Variants in NDUFA8 observed in about 807,000 individuals in gnomAD.
NDUFA8 encodes NADH:ubiquinone oxidoreductase subunit A8, also known as NADH dehydrogenase [ubiquinone] 1 alpha subcomplex subunit 8.
Under a neutral mutation model 20.9 loss-of-function variants are expected in NDUFA8, and 16 were observed. The ratio of observed to expected loss-of-function variants is 0.77; its 90% confidence interval spans 0.52 to 1.16. NDUFA8 has a LOEUF of 1.16. Among genes scored for constraint, NDUFA8 ranks in the 50% most tolerant of loss-of-function variants. The pLI is 0.00. For synonymous variants in NDUFA8, 70 were observed against 76.1 expected (o/e 0.92, Z 0.41); for missense variants, 202 against 216.4 (o/e 0.93, Z 0.42).
rs1829016589 is a variant in NDUFA8 at position 122,152,369 on chromosome 9, G to A, written c.91C>T (p.His31Tyr). Residue 31 changes from histidine to tyrosine, a missense_variant, in exon 2 of 4, where the codon CAC (histidine) becomes TAC (tyrosine). His to Tyr is a moderately conservative substitution (Grantham distance 83). Transcript: ENST00000373768. ...SSAVLKAAAHHYGAQCDKPNK... is the reference protein window; with the variant it reads ...SSAVLKAAAHYYGAQCDKPNK... ...GGCTTATCACATTGAGCTCCATAGT[G>A]ATGGGCCGCAGCTTTAAGCACAGCA... 1.9e-6 allele frequency: 3 copies of A among 1,614,004 alleles called. No individual in the cohort carries two copies. Among genetic ancestry groups the A allele is most frequent in the African/African-American group, 1.3e-5 (1 of 74,888 alleles).
chr9:122,157,776 T>C (rs1057054815), intron 1 of NDUFA8, among the ~76,000 whole-genome samples: 1 of 152,170 alleles, frequency 6.6e-6, no homozygotes, highest in African/African-American at 2.4e-5. Flanking sequence ...TCCCTGAACA[T>C]AGCTAATAAT....
At chr9:122,155,623 A>G (rs552845745) in intron 1 of NDUFA8, among the ~76,000 whole-genome samples, 1 of 152,364 alleles carries the variant, frequency 6.6e-6, no homozygotes, top group Non-Finnish European at 1.5e-5. Flanking sequence ...TGAAAATAAA[A>G]GAATTTATTT....
chr9:122,133,033 G>T, the NDUFA8 span: 1 of 456,042 alleles, frequency 2.2e-6, no homozygotes. Flanking sequence ...CATGCCCATG[G>T]TTCCATCTAA....
downstream of NDUFA8, among the ~76,000 whole-genome samples, chr9:122,140,076 C>A (rs906046394): frequency 2.0e-5 from 3 of 152,170 alleles, no homozygotes; most frequent in African/African-American, 7.2e-5. Flanking sequence ...CAATGTGTAT[C>A]CAATGCTGAG....
chr9:122,139,807 C>T (rs970270101), downstream of NDUFA8, among the ~76,000 whole-genome samples: 48 of 152,316 alleles, frequency 3.2e-4, no homozygotes, highest in African/African-American at 1.1e-3. Flanking sequence ...GATTGTCATG[C>T]CTCAACCTCC....
chr9:122,153,089 A>C (rs182082971), intron 1 of NDUFA8, among the ~76,000 whole-genome samples: 2 of 152,110 alleles, frequency 1.3e-5, no homozygotes, highest in East Asian at 3.9e-4. Context: ...ACATGGTGAA[A>C]GCTTGTCTTT....
rs1226138881 is a variant in NDUFA8, at chr9:122,152,226, T to C, written c.215+19A>G. The C allele has an allele frequency of 6.2e-7, 1 of 1,614,206 alleles. No individual in the cohort carries two copies. The highest frequency in any genetic ancestry group is 8.5e-7 in the Non-Finnish European group (1 of 1,180,006). The stretch of plus-strand genomic sequence containing the variant: ...CTTTATGCTTCAACCAAGTAGGCAC[T>C]GATACCAAAGATTTTTACCTAAAGA... On this transcript the variant is annotated intron_variant, in intron 2 of 3. Transcript: ENST00000373768.
downstream of NDUFA8, chr9:122,143,945 G>T: frequency 1.5e-6 from 1 of 681,798 alleles, no homozygotes; most frequent in Non-Finnish European, 2.1e-6. Context: ...AGCCACATGA[G>T]CGAGTGCCTA....
At chr9:122,142,864 G>A (rs1828842406), downstream of NDUFA8, among the ~76,000 whole-genome samples, 2 of 152,094 alleles carry the variant, frequency 1.3e-5, no homozygotes, top group South Asian at 4.1e-4. Context: ...CACCAGAGGG[G>A]AATTCCAATT....
At chr9:122,143,933 C>G (rs78724696), downstream of NDUFA8, 87 of 597,590 alleles carry the variant, frequency 1.5e-4, no homozygotes, top group East Asian at 4.7e-3. Context: ...ACAGGGATCC[C>G]CAGCCACATG....
downstream of NDUFA8, among the ~76,000 whole-genome samples, chr9:122,142,479 A>T (rs531082441): frequency 1.8e-4 from 27 of 152,336 alleles, no homozygotes; most frequent in East Asian, 5.0e-3. Context: ...CAGGATTTAA[A>T]GGCCTCTCAG....
At chr9:122,143,901 A>G (rs748556209), downstream of NDUFA8, among the ~76,000 whole-genome samples, 2 of 152,234 alleles carry the variant, frequency 1.3e-5, no homozygotes, top group Non-Finnish European at 2.9e-5. Flanking sequence ...TTTCCTTCAC[A>G]TGGCCACTTC....
Position 122,158,374 on chromosome 9 carries a change from T to C in NDUFA8, c.51+1253A>G, listed in dbSNP as rs145257024. Among the ~76,000 whole-genome samples, 623 of 152,110 alleles carry C rather than the reference T, an allele frequency of 4.1e-3. 4 individuals are homozygous for C. Among genetic ancestry groups the C allele is most frequent in the African/African-American group, 0.012 (515 of 41,500 alleles). ...TGGCCTTGTAGAAGCTGCTTCCAAG[T>C]CCTATCTCAGCCCAAGTTGCCTCTC... On this transcript the variant is annotated intron_variant, in intron 1 of 3. Transcript: ENST00000373768.
At chr9:122,157,900 T>A (rs550931629) in intron 1 of NDUFA8, among the ~76,000 whole-genome samples, 102 of 152,330 alleles carry the variant, frequency 6.7e-4, no homozygotes, top group African/African-American at 2.2e-3. Flanking sequence ...ACGCCTGTAA[T>A]CCCAGCACTT....
chr9:122,132,763 G>C, the NDUFA8 span, among the ~76,000 whole-genome samples: 1 of 152,184 alleles, frequency 6.6e-6, no homozygotes, highest in African/African-American at 2.4e-5. Flanking sequence ...TTGGGACATT[G>C]CAATCCTGGG....
the NDUFA8 span, among the ~76,000 whole-genome samples, chr9:122,134,873 T>G: frequency 6.6e-6 from 1 of 152,150 alleles, no homozygotes; most frequent in Non-Finnish European, 1.5e-5. Flanking sequence ...TGGCAATGGG[T>G]CAGAGCCCTC....
chr9:122,146,582 A>C (rs2118698887), intron 3 of NDUFA8, among the ~76,000 whole-genome samples: 1 of 152,344 alleles, frequency 6.6e-6, no homozygotes, highest in Admixed American at 6.5e-5. Context: ...CTTATAATCC[A>C]ACCATTCACA....
rs1201063597 is a variant in NDUFA8, at chr9:122,144,512, TCACATTCAGACG to T, written c.382-146_382-135del. On this transcript the variant is annotated intron_variant, in intron 3 of 3. Transcript: ENST00000373768. ...CTCCCCGACTTAAATTCCCAGCAAA[TCACATTCAGACG>T]TATTTAATCATTGAACAAACACTCA... 9.4e-6 allele frequency: 8 copies of T among 851,180 alleles called. No homozygotes were observed. The East Asian group carries it at 2.0e-4, about 21-fold the overall frequency. The allele number at this position is 851,180 out of a possible 1,614,324, so 52.7% of individuals were successfully genotyped here. A position where few individuals can be genotyped will look rare whatever the true frequency, so the allele number is the denominator to read the frequency against.
rs777260623 is a variant in NDUFA8, at chr9:122,159,631, T to C, written c.47A>G (p.Asp16Gly). 2 of 1,613,956 alleles carry C rather than the reference T, an allele frequency of 1.2e-6. No individual in the cohort carries two copies. Among genetic ancestry groups the C allele is most frequent in the African/African-American group, 2.7e-5 (2 of 74,910 alleles). Residue 16 changes from aspartate to glycine, a missense_variant, in exon 1 of 4, where the codon GAT (aspartate) becomes GGT (glycine). Transcript: ENST00000373768. The stretch of plus-strand genomic sequence containing the variant: ...CTGTCCTCCGGATAGCCTCACCTCA[T>C]CTACTTTCAGCTCCTCTAGAGTGGG... ...ELPTLEELKV[D>G]EVKISSAVLK...
Sources: gnomAD v4.1 joint callset for allele counts (sites outside exome capture counted in the v4.1 genomes callset) on GRCh38, gnomAD v4.1.1 for gene constraint, MANE v1.5 for transcripts, NCBI Gene and HGNC (gene_info 2026-07-23, HGNC 2026-07-21) for gene names.